The following GFPT2 variants were observed in gnomAD, a reference collection of about 807,000 sequenced individuals.
GFPT2 encodes the protein glutamine--fructose-6-phosphate aminotransferase [isomerizing] 2.
A neutral mutation model predicts 85.6 loss-of-function variants in GFPT2; 62 were observed. The ratio of observed to expected loss-of-function variants is 0.72; its 90% CI spans 0.59 to 0.90. The LOEUF is 0.90. GFPT2 is among the 40% of genes least tolerant of loss of function. The pLI, the probability that GFPT2 is intolerant of heterozygous loss-of-function variation, is 0.00. For missense variants in GFPT2, 788 were observed against 893.4 expected (o/e 0.88, Z 1.50); for synonymous variants, 368 against 344.5 (o/e 1.07, Z -0.75).
intron 9 of GFPT2, among the ~76,000 whole-genome samples, chr5:180,319,650 C>T (rs1463063806): frequency 6.6e-6 from 1 of 152,150 alleles, no homozygotes; most frequent in Admixed American, 6.5e-5. Context: ...ATAAGGCTGG[C>T]AACACTCAAA....
chr5:180,308,328 A>G (rs1481291936), intron 15 of GFPT2, among the ~76,000 whole-genome samples: 2 of 152,178 alleles, frequency 1.3e-5, no homozygotes, highest in Admixed American at 1.3e-4. Flanking sequence ...CTTTAAAATA[A>G]CAACACTAAA....
chr5:180,343,345 G>A (rs1764555188), intron 1 of GFPT2, among the ~76,000 whole-genome samples: 1 of 152,214 alleles, frequency 6.6e-6, no homozygotes, highest in Non-Finnish European at 1.5e-5. Context: ...CAGCCTCCTG[G>A]ACAGCAGCGG....
At position 180,330,484 on chromosome 5, in the gene GFPT2, T is replaced by C. The variant is rs1288834032; in HGVS notation, c.534+216A>G. 2.0e-5 allele frequency among the ~76,000 whole-genome samples: 3 copies of C among 152,220 alleles called. No homozygotes were observed. Among genetic ancestry groups the C allele is most frequent in the Non-Finnish European group, 4.4e-5 (3 of 68,040 alleles). On this transcript the variant is annotated intron_variant, in intron 6 of 18. Transcript: ENST00000253778. The surrounding 1 kb of genome is among the most constrained non-coding windows in gnomAD (Gnocchi z 4.4). ...AGGGCACTTTCTATTTGATGTTGAC[T>C]ACCCAAACCACAGAACGTCTTCCAG...
chr5:180,312,571 G>T, intron 14 of GFPT2, 27 bp from the exon 15 acceptor site: 2 of 1,185,918 alleles, frequency 1.7e-6, no homozygotes, highest in Non-Finnish European at 2.5e-6. Flanking sequence ...AGGTGGCAGG[G>T]ACCTTATTTT....
chr5:180,302,068 A>G (rs1763684041), intron 18 of GFPT2, among the ~76,000 whole-genome samples: 2 of 150,066 alleles, frequency 1.3e-5, no homozygotes, highest in African/African-American at 4.9e-5. Context: ...AGGCAGGTGG[A>G]TCACGAGGTC....
At chr5:180,303,938 T>C (rs11738309) in intron 17 of GFPT2, among the ~76,000 whole-genome samples, 35,290 of 151,902 alleles carry the variant, frequency 0.23, 4,298 homozygotes, top group East Asian at 0.45. Context: ...GATTAGAAGG[T>C]TGGGGCTTTG....
At chr5:180,319,232 A>C (rs1397919277) in intron 9 of GFPT2, among the ~76,000 whole-genome samples, 1 of 146,450 alleles carries the variant, frequency 6.8e-6, no homozygotes, top group Non-Finnish European at 1.5e-5. Context: ...TTAACCTACT[A>C]TAATACCATA....
intron 15 of GFPT2, among the ~76,000 whole-genome samples, chr5:180,309,470 G>C (rs1392267632): frequency 6.6e-6 from 1 of 152,172 alleles, no homozygotes; most frequent in African/African-American, 2.4e-5. Context: ...GCCCAGACTG[G>C]AGTGCAACGG....
At chr5:180,326,020 A>G (rs1764205161) in intron 7 of GFPT2, among the ~76,000 whole-genome samples, 1 of 141,632 alleles carries the variant, frequency 7.1e-6, no homozygotes, top group Non-Finnish European at 1.6e-5. Context: ...GCGAGACTCC[A>G]TCTCTAAATA....
At chr5:180,352,604 C>A (rs1764734017) in intron 1 of GFPT2, 1 of 448,622 alleles carries the variant, frequency 2.2e-6, no homozygotes, top group Non-Finnish European at 4.5e-6. Context: ...GCCTCTTCCC[C>A]GCGCAAAGAG....
intron 4 of GFPT2, among the ~76,000 whole-genome samples, chr5:180,332,567 T>C (rs1258055128): frequency 6.6e-6 from 1 of 152,194 alleles, no homozygotes; most frequent in Non-Finnish European, 1.5e-5. Flanking sequence ...AGACAGAATC[T>C]CACTCTGTTG....
chr5:180,350,313 T>C (rs1399719060), intron 1 of GFPT2, among the ~76,000 whole-genome samples: 4 of 152,230 alleles, frequency 2.6e-5, no homozygotes, highest in Non-Finnish European at 5.9e-5. Context: ...CACCTACTTA[T>C]GTGAAATCTC....
At chr5:180,331,404 A>G (rs1260119772) in intron 5 of GFPT2, 91 bp downstream of exon 5, 1 of 786,842 alleles carries the variant, frequency 1.3e-6, no homozygotes, top group Non-Finnish European at 2.2e-6. Context: ...CAGTTCCCAC[A>G]CTGGTTTCCG....
At position 180,353,314 on chromosome 5, in the gene GFPT2, CGTGG is replaced by C; in HGVS notation, c.-101_-98del. 2.1e-6 allele frequency: 2 copies of C among 951,970 alleles called. No individual in the cohort carries two copies. Among genetic ancestry groups the C allele is most frequent in the Non-Finnish European group, 2.7e-6 (2 of 736,850 alleles). 59.0% of individuals were successfully genotyped at this position (951,970 alleles called of 1,614,324 possible). ...GCTCCTCCGTGGGCTCCGTGGGCTC[CGTGG>C]GCTCCGCGGGCTCCAGCTCCCGTCC... On this transcript the variant is annotated 5_prime_UTR_variant, in exon 1 of 19. Transcript: ENST00000253778.
chr5:180,332,228 G>A (rs1007473980), intron 4 of GFPT2, among the ~76,000 whole-genome samples: 22 of 150,706 alleles, frequency 1.5e-4, no homozygotes, highest in East Asian at 5.8e-4. Flanking sequence ...TGATCCTGGC[G>A]GGGAGGTGGC....
intron 15 of GFPT2, 56 bp downstream of exon 15, chr5:180,312,374 G>A: frequency 1.1e-6 from 1 of 898,726 alleles, no homozygotes; most frequent in East Asian, 2.4e-5. Context: ...AACAGAGAAT[G>A]GCCAGCAACA....
intron 1 of GFPT2, among the ~76,000 whole-genome samples, chr5:180,347,786 G>A (rs556245675): frequency 5.3e-4 from 81 of 152,076 alleles, no homozygotes; most frequent in South Asian, 1.0e-3. Context: ...GAATTCCTGG[G>A]ATTTCCTCTA....
chr5:180,305,117 G>C (rs558355089), intron 16 of GFPT2, among the ~76,000 whole-genome samples, 178 bp from the exon 17 acceptor site: 160 of 152,210 alleles, frequency 1.1e-3, no homozygotes, highest in Non-Finnish European at 1.9e-3. Context: ...GCAAGGGCCT[G>C]GGGAGAGGCC....
At chr5:180,338,860 G>T (rs1223331649) in intron 1 of GFPT2, among the ~76,000 whole-genome samples, 1 of 152,218 alleles carries the variant, frequency 6.6e-6, no homozygotes, top group African/African-American at 2.4e-5. Flanking sequence ...GTACTTGCAG[G>T]AGGCAGCTTT....
Sources: gnomAD v4.1 joint callset for allele counts (sites outside exome capture counted in the v4.1 genomes callset) on GRCh38, gnomAD v4.1.1 for gene constraint, Gnocchi (gnomAD v3.1) non-coding constraint, MANE v1.5 for transcripts, NCBI Gene and HGNC (gene_info 2026-07-23, HGNC 2026-07-21) for gene names.